Variants in SNED1 observed in about 807,000 individuals in gnomAD.
The protein encoded by SNED1 is sushi, nidogen and EGF like domains 1.
Under a neutral mutation model 166.7 loss-of-function variants are expected in SNED1, and 81 were observed. The ratio of observed to expected loss-of-function variants is 0.49; its 90% CI spans 0.41 to 0.58. The LOEUF (loss-of-function observed/expected upper bound fraction) is 0.58. Ranked by LOEUF, SNED1 falls within the 20% of genes least tolerant of loss-of-function variation. The pLI, the probability that SNED1 is intolerant of heterozygous loss-of-function variation, is 0.00. For missense variants in SNED1, 1,604 were observed against 2,000.2 expected (o/e 0.80, Z 3.78); for synonymous variants, 762 against 822.0 (o/e 0.93, Z 1.25).
chr2:241,009,339 C>A (rs572912880), intron 1 of SNED1, among the ~76,000 whole-genome samples: 3 of 152,268 alleles, frequency 2.0e-5, no homozygotes, highest in African/African-American at 4.8e-5. Flanking sequence ...CAGTGTGGGG[C>A]CACTGCCTCC....
Position 241,087,469 on chromosome 2 carries a change from C to T in SNED1, c.4199C>T (p.Pro1400Leu), listed in dbSNP as rs953442240. Residue 1400 changes from proline to leucine, a missense_variant, in exon 30 of 32, where the codon CCA becomes CTA. This residue lies in a region of SNED1 where 367 missense variants were observed against 379.4 expected (regional missense o/e 0.97). Coordinates refer to ENST00000310397, the MANE Select transcript of SNED1 (RefSeq NM_001080437.3). ...GAAAGCACAAGCCTCAAGAAGACCC[C>T]AAACAGGTGCCTCTGGGGAGCAGGC... ...SCESTSLKKT[P>L]NRKQSKSQTL... is the part of the protein sequence containing the mutation. 3 of 1,601,428 alleles carry T rather than the reference C, an allele frequency of 1.9e-6. No individual in the cohort carries two copies. The highest frequency in any genetic ancestry group is 1.7e-6 in the Non-Finnish European group (2 of 1,174,010).
At chr2:240,998,123 T>C (rs1386564002), upstream of SNED1, among the ~76,000 whole-genome samples, 2 of 152,258 alleles carry the variant, frequency 1.3e-5, no homozygotes, top group Non-Finnish European at 2.9e-5. Flanking sequence ...GCAAACACTT[T>C]GTTCCATGCC....
At chr2:241,048,252 G>A (rs1009649893) in intron 8 of SNED1, 63 bp from the exon 9 acceptor site, 2 of 1,504,242 alleles carry the variant, frequency 1.3e-6, no homozygotes, top group Admixed American at 2.3e-5. Flanking sequence ...TTGGAGCTGG[G>A]CGGGGAGACC....
chr2:241,034,125 T>G (rs1190822872), intron 3 of SNED1, among the ~76,000 whole-genome samples: 1 of 152,150 alleles, frequency 6.6e-6, no homozygotes, highest in Non-Finnish European at 1.5e-5. Context: ...CTTTAACAGC[T>G]GCAACAGCAA....
intron 1 of SNED1, among the ~76,000 whole-genome samples, chr2:241,019,200 C>A (rs2060692853): frequency 6.6e-6 from 1 of 151,990 alleles, no homozygotes; most frequent in Non-Finnish European, 1.5e-5. Flanking sequence ...GTGTGTGGAC[C>A]AGGAGCAGGC....
chr2:241,051,630 C>T lies in SNED1; in HGVS notation c.1736-114C>T. The T allele has an allele frequency of 2.4e-6, 2 of 830,412 alleles. No homozygotes were observed. Among genetic ancestry groups the T allele is most frequent in the East Asian group, 2.8e-5 (1 of 35,264 alleles). The allele number at this position is 830,412 out of a possible 1,614,324, so 51.4% of individuals were successfully genotyped here. On this transcript the variant is annotated intron_variant, in intron 12 of 31. Coordinates refer to ENST00000310397, the MANE Select transcript of SNED1 (RefSeq NM_001080437.3). The surrounding 1 kb of genome is among the most constrained non-coding windows in gnomAD (Gnocchi z 4.7). The stretch of plus-strand genomic sequence containing the variant: ...CTGCTGCAGCCAGGCCCCAGGGCTT[C>T]GTCGAGAAGGCCCCACCAGCACCAG...
chr2:241,090,324 G>A (rs1399136992), intron 31 of SNED1: 2 of 1,549,966 alleles, frequency 1.3e-6, no homozygotes, highest in East Asian at 2.4e-5. Flanking sequence ...TCCACATCGT[G>A]TCCCAGTAAC....
chr2:241,016,850 C>CTTTTTT (rs5839783), intron 1 of SNED1, among the ~76,000 whole-genome samples: 7 of 125,798 alleles, frequency 5.6e-5, no homozygotes, highest in Non-Finnish European at 6.7e-5. Flanking sequence ...TTCTTTCTTT[C>CTTTTTT]TTTTTTTTTT....
intron 30 of SNED1, 97 bp downstream of exon 30, chr2:241,087,572 C>CT: frequency 6.8e-7 from 1 of 1,470,818 alleles, no homozygotes; most frequent in Non-Finnish European, 9.0e-7. Flanking sequence ...GGCCTGTGGG[C>CT]TGAGCCAGGC....
intron 27 of SNED1, among the ~76,000 whole-genome samples, chr2:241,079,893 G>A (rs1408319931): frequency 6.6e-6 from 1 of 152,172 alleles, no homozygotes; most frequent in Non-Finnish European, 1.5e-5. Flanking sequence ...ATTTTGAAAT[G>A]ATTGCATGTA....
intron 8 of SNED1, among the ~76,000 whole-genome samples, chr2:241,043,390 A>G (rs1268920538): frequency 1.3e-5 from 2 of 152,206 alleles, no homozygotes; most frequent in African/African-American, 4.8e-5. Context: ...CCATCAACCT[A>G]GTGTACTGTA....
intron 8 of SNED1, chr2:241,041,351 G>T (rs75656912): frequency 1.3e-5 from 2 of 158,538 alleles, no homozygotes; most frequent in South Asian, 3.6e-4. Context: ...CAAATAAACC[G>T]TGTTTTCTAC....
chr2:241,009,473 G>A lies in SNED1; in HGVS notation c.213+10423G>A, dbSNP rs556461676. On this transcript the variant is annotated intron_variant, in intron 1 of 31. Transcript: ENST00000310397. ...CAAGGAGCAGGCGGCAGGAGCTGCTGTCAACACAAGGAAGCAGAGGGGCTG... is the reference window on the plus strand; with the variant it reads ...CAAGGAGCAGGCGGCAGGAGCTGCTATCAACACAAGGAAGCAGAGGGGCTG... 3.9e-5 allele frequency among the ~76,000 whole-genome samples: 6 copies of A among 152,282 alleles called. No individual in the cohort carries two copies. The South Asian group carries it at 1.0e-3, about 26-fold the overall frequency.
chr2:241,053,142 G>C lies in SNED1; in HGVS notation c.2084-11G>C, dbSNP rs764159279. On this transcript the variant is annotated splice_polypyrimidine_tract_variant and intron_variant, in intron 15 of 31. Coordinates refer to ENST00000310397, the MANE Select transcript of SNED1 (RefSeq NM_001080437.3). ...ACAGGACCGTGCGAGACAGGCTGCC[G>C]TGCCTTGCAGAGGTGGACTGCGGCC... The C allele has an allele frequency of 1.9e-6, 3 of 1,605,876 alleles. No homozygotes were observed. The highest frequency in any genetic ancestry group is 4.5e-5 in the East Asian group (2 of 44,650).
rs917047011 is a variant in SNED1 at position 241,048,334 on chromosome 2, C to T, written c.1293C>T (p.Asp431=). 6 of 1,608,056 alleles carry T rather than the reference C, an allele frequency of 3.7e-6. No individual in the cohort carries two copies. In the South Asian group the frequency reaches 5.6e-5, roughly 15 times the overall value. ...TTGCAGGAGACCATCCAGTGCCAGA[C>T]GCCTGCCTCTCGGCCCCTTGCCACA... The part of the protein sequence containing the change: ...RCETGDHPVP[D]ACLSAPCHNG... The change falls in exon 9 of 32, where the codon GAC becomes GAT. Residue 431 remains aspartate (D), a synonymous_variant. Transcript: ENST00000310397.
rs563878078 is a variant in SNED1 at position 241,034,562 on chromosome 2, C to T, written c.643-6C>T. The T allele has an allele frequency of 7.6e-6, 12 of 1,583,716 alleles. No homozygotes were observed. In the South Asian group the frequency reaches 1.3e-4, roughly 17 times the overall value. The stretch of plus-strand genomic sequence containing the variant: ...CTCCCTCACTCTGCCCCCACCCCAC[C>T]CCCAGGCTGGCTTCAACGCAGGCGA... On this transcript the variant is annotated splice_polypyrimidine_tract_variant and splice_region_variant and intron_variant, in intron 3 of 31. Transcript: ENST00000310397.
Position 241,082,326 on chromosome 2 carries a change from G to A in SNED1, c.4083G>A (p.Lys1361=), listed in dbSNP as rs2063367373. ...GCACAAGGCTGTTCTCCGAGACAAA[G>A]GCCTTTCCAGTCTGGGAGGGAGGCG... The part of the protein sequence containing the change: ...RPCTRLFSET[K]AFPVWEGGVC... Residue 1361 remains lysine, a synonymous_variant, in exon 29 of 32, where the codon AAG becomes AAA. Transcript: ENST00000310397. 1 of 1,613,576 alleles carries A rather than the reference G, an allele frequency of 6.2e-7. No individual in the cohort carries two copies. Among genetic ancestry groups the A allele is most frequent in the Non-Finnish European group, 8.5e-7 (1 of 1,179,642 alleles).
At chr2:241,082,947 C>T (rs1267809521) in intron 29 of SNED1, among the ~76,000 whole-genome samples, 1 of 151,782 alleles carries the variant, frequency 6.6e-6, no homozygotes, top group Non-Finnish European at 1.5e-5. Flanking sequence ...CAACAGATGA[C>T]TTACTGAGTA....
At chr2:241,061,214 T>C (rs1363237246) in intron 16 of SNED1, among the ~76,000 whole-genome samples, 1 of 151,682 alleles carries the variant, frequency 6.6e-6, no homozygotes, top group East Asian at 1.9e-4. Context: ...AAAAAAAACA[T>C]GCATAGGCAT....
Sources: gnomAD v4.1 joint callset for allele counts (sites outside exome capture counted in the v4.1 genomes callset) on GRCh38, gnomAD v4.1.1 for gene constraint, gnomAD v4.1.1 regional missense constraint, Gnocchi (gnomAD v3.1) non-coding constraint, MANE v1.5 for transcripts, NCBI Gene and HGNC (gene_info 2026-07-23, HGNC 2026-07-21) for gene names.